Variants in PIBF1 observed in about 807,000 individuals in gnomAD.
The protein encoded by PIBF1 is progesterone-induced-blocking factor 1.
In PIBF1, 90 loss-of-function variants were observed where a neutral mutation model predicts 112.5. That is an observed-to-expected ratio of 0.80 (90% confidence interval 0.67 to 0.95). The LOEUF (loss-of-function observed/expected upper bound fraction) is 0.95. Ranked by LOEUF, PIBF1 falls within the 40% of genes least tolerant of loss-of-function variation. PIBF1 has a pLI of 0.00. For synonymous variants in PIBF1, 301 were observed against 288.6 expected (o/e 1.04, Z -0.44); for missense variants, 915 against 852.3 (o/e 1.07, Z -0.92).
intron 14 of PIBF1, among the ~76,000 whole-genome samples, chr13:72,940,936 A>G (rs927858897): frequency 6.6e-6 from 1 of 152,040 alleles, no homozygotes; most frequent in South Asian, 2.1e-4. Context: ...AAGGGGCACT[A>G]TCTGTAAATT....
intron 14 of PIBF1, among the ~76,000 whole-genome samples, chr13:72,956,335 G>T (rs2138874639): frequency 6.6e-6 from 1 of 151,658 alleles, no homozygotes; most frequent in East Asian, 1.9e-4. Context: ...CCCCTTCAAA[G>T]TATGTGTGTG....
Position 72,931,208 on chromosome 13 carries a change from T to G in PIBF1, c.1774T>G (p.Ser592Ala), listed in dbSNP as rs779018361. Residue 592 changes from serine (S) to alanine (A), a missense_variant, in exon 14 of 18, where the codon TCG becomes GCG. Physicochemically the swap from Ser to Ala is moderately conservative, Grantham distance 99 (BLOSUM62 1). Coordinates refer to ENST00000326291, the MANE Select transcript of PIBF1 (RefSeq NM_006346.4). ...RRVLQLEKQN[S>A]LILKDLEHRK... Reference sequence around the variant, plus strand: ...AGTGCTTCAATTAGAAAAACAAAACTCGCTGATTTTAAAAGATCTGGAACA... The same window carrying G: ...AGTGCTTCAATTAGAAAAACAAAACGCGCTGATTTTAAAAGATCTGGAACA... 2.2e-5 allele frequency: 36 copies of G among 1,613,094 alleles called. No individual in the cohort carries two copies. In the Admixed American group the frequency reaches 6.0e-4, roughly 27 times the overall value.
Position 72,965,347 on chromosome 13 carries a change from G to GAGAT in PIBF1, c.1908_1911dup (p.Ser638ArgfsTer3). The stretch of plus-strand genomic sequence containing the variant: ...TATCTCATTGAATCAGTGCGTCAGA[G>GAGAT]AGATTCTAAGATTGATTCACTGACG... On this transcript the variant is annotated frameshift_variant, in exon 15 of 18. Coordinates refer to ENST00000326291, the MANE Select transcript of PIBF1 (RefSeq NM_006346.4). LOFTEE classifies it high-confidence loss of function. The GAGAT allele has an allele frequency of 6.2e-7, 1 of 1,610,740 alleles. No individual in the cohort carries two copies. Among genetic ancestry groups the GAGAT allele is most frequent in the Non-Finnish European group, 8.5e-7 (1 of 1,177,476 alleles).
At chr13:72,943,009 A>G (rs2042052882) in intron 14 of PIBF1, among the ~76,000 whole-genome samples, 1 of 152,188 alleles carries the variant, frequency 6.6e-6, no homozygotes, top group Non-Finnish European at 1.5e-5. Context: ...TCAAAAAAAG[A>G]AAAATATCGT....
At chr13:72,817,476 A>C (rs1443020007) in intron 5 of PIBF1, among the ~76,000 whole-genome samples, 1 of 152,188 alleles carries the variant, frequency 6.6e-6, no homozygotes, top group Admixed American at 6.5e-5. Context: ...AGTCTATTTA[A>C]TGTCCTCTTT....
chr13:72,873,302 A>C (rs778836479), intron 10 of PIBF1, among the ~76,000 whole-genome samples: 89 of 152,230 alleles, frequency 5.8e-4, no homozygotes, highest in Admixed American at 3.9e-4. Context: ...TCTAAATGTA[A>C]GATCAAAAAC....
intron 11 of PIBF1, among the ~76,000 whole-genome samples, chr13:72,903,771 G>T (rs1359140029): frequency 6.6e-6 from 1 of 152,274 alleles, no homozygotes; most frequent in African/African-American, 2.4e-5. Context: ...GGTATTTTCT[G>T]CCCAAATAGA....
chr13:73,010,434 C>G (rs965767447), intron 17 of PIBF1, among the ~76,000 whole-genome samples: 6 of 151,794 alleles, frequency 4.0e-5, no homozygotes, highest in African/African-American at 1.5e-4. Flanking sequence ...GAAACCCCAT[C>G]TCTATTAAAA....
intron 8 of PIBF1, among the ~76,000 whole-genome samples, chr13:72,828,769 A>G (rs1166614545): frequency 6.6e-6 from 1 of 152,148 alleles, no homozygotes; most frequent in African/African-American, 2.4e-5. Flanking sequence ...TTTATGTTAG[A>G]ATGATTTATA....
At chr13:72,979,615 T>C (rs1401007150) in intron 16 of PIBF1, among the ~76,000 whole-genome samples, 1 of 152,014 alleles carries the variant, frequency 6.6e-6, no homozygotes, top group Non-Finnish European at 1.5e-5. Context: ...AATGGACCGA[T>C]TTGAAAGCTA....
chr13:72,994,955 C>T (rs754929780), intron 16 of PIBF1, among the ~76,000 whole-genome samples: 9 of 152,126 alleles, frequency 5.9e-5, no homozygotes, highest in Middle Eastern at 3.4e-3. Flanking sequence ...TCAAAAAGGT[C>T]GGTGTAAGAC....
chr13:72,906,251 C>T (rs943458112), intron 11 of PIBF1, among the ~76,000 whole-genome samples: 1 of 151,952 alleles, frequency 6.6e-6, no homozygotes, highest in African/African-American at 2.4e-5. Flanking sequence ...GGCAAAGGCT[C>T]CCAGAAGCGT....
At chr13:72,955,801 T>C (rs889799547) in intron 14 of PIBF1, among the ~76,000 whole-genome samples, 5 of 152,208 alleles carry the variant, frequency 3.3e-5, no homozygotes, top group Non-Finnish European at 5.9e-5. Context: ...TGTACTTTAT[T>C]TGGACTCATT....
chr13:72,813,314 A>T (rs1228705433), intron 5 of PIBF1, among the ~76,000 whole-genome samples: 1 of 152,204 alleles, frequency 6.6e-6, no homozygotes, highest in Non-Finnish European at 1.5e-5. Context: ...TTCCAGTTCA[A>T]AGTATCCCTC....
At chr13:72,971,185 A>AGTGTGTGTGTGTGTGT (rs771878197) in intron 15 of PIBF1, among the ~76,000 whole-genome samples, 3 of 120,098 alleles carry the variant, frequency 2.5e-5, no homozygotes, top group African/African-American at 1.0e-4. Context: ...ACAGAGAGTG[A>AGTGTGTGTGTGTGTGT]GTGTGTGTGT....
intron 16 of PIBF1, among the ~76,000 whole-genome samples, chr13:72,986,674 ATCT>A (rs2043296341): frequency 2.3e-5 from 3 of 132,092 alleles, no homozygotes; most frequent in Non-Finnish European, 4.7e-5. Context: ...TGTTTCTGTC[ATCT>A]TTTTTTTTTT....
chr13:72,782,886 G>A (rs1471643407), intron 1 of PIBF1, among the ~76,000 whole-genome samples: 1 of 140,860 alleles, frequency 7.1e-6, no homozygotes, highest in African/African-American at 2.6e-5. Flanking sequence ...GTGTGTGTGT[G>A]TGTGTGTGTG....
intron 17 of PIBF1, among the ~76,000 whole-genome samples, chr13:73,012,386 C>T (rs916988223): frequency 2.6e-5 from 4 of 151,790 alleles, no homozygotes; most frequent in Non-Finnish European, 5.9e-5. Flanking sequence ...CATTTGATAA[C>T]CTGATTAGTA....
At chr13:72,922,401 T>C (rs1209148473) in intron 13 of PIBF1, among the ~76,000 whole-genome samples, 2 of 152,198 alleles carry the variant, frequency 1.3e-5, no homozygotes, top group Non-Finnish European at 2.9e-5. Context: ...AATGTTTTCC[T>C]TTCAGTTGTG....
Sources: allele counts gnomAD v4.1 joint callset (sites outside exome capture counted in the v4.1 genomes callset), GRCh38; gene constraint gnomAD v4.1.1; transcripts MANE v1.5; gene names NCBI Gene and HGNC (gene_info 2026-07-23, HGNC 2026-07-21).